Variants in ASXL3 observed in about 807,000 individuals in gnomAD.
ASXL3 encodes the protein putative Polycomb group protein ASXL3.
Under a neutral mutation model 170.6 loss-of-function variants are expected in ASXL3, and 34 were observed. The ratio of observed to expected loss-of-function variants is 0.20; its 90% CI spans 0.15 to 0.27. The LOEUF is 0.27. Ranked by LOEUF, ASXL3 falls within the 10% of genes least tolerant of loss-of-function variation. The pLI is 1.00. For synonymous variants in ASXL3, 1,002 were observed against 989.1 expected (o/e 1.01, Z -0.24); for missense variants, 2,592 against 2,695.3 (o/e 0.96, Z 0.85).
chr18:33,613,468 TG>T (rs1034150683), intron 2 of ASXL3, among the ~76,000 whole-genome samples: 4 of 152,068 alleles, frequency 2.6e-5, no homozygotes, highest in Admixed American at 2.6e-4. Context: ...ATTGCAGATT[TG>T]ATTCCAGACC....
intron 8 of ASXL3, among the ~76,000 whole-genome samples, chr18:33,707,839 T>G (rs1478120966): frequency 6.6e-6 from 1 of 152,092 alleles, no homozygotes; most frequent in Admixed American, 6.6e-5. Flanking sequence ...TAAGGAAATT[T>G]CCTTCCATTC....
At chr18:33,613,478 C>T (rs1014602915) in intron 2 of ASXL3, among the ~76,000 whole-genome samples, 1 of 152,018 alleles carries the variant, frequency 6.6e-6, no homozygotes, top group Non-Finnish European at 1.5e-5. Context: ...TGATTCCAGA[C>T]CATCCCAATA....
At chr18:33,697,324 A>G (rs2066788143) in intron 8 of ASXL3, among the ~76,000 whole-genome samples, 1 of 152,084 alleles carries the variant, frequency 6.6e-6, no homozygotes, top group African/African-American at 2.4e-5. Context: ...GTTGCATGAG[A>G]TTGTCATGAG....
chr18:33,605,631 C>T (rs142776183), intron 1 of ASXL3: 1 of 152,230 alleles, frequency 6.6e-6, no homozygotes, highest in Non-Finnish European at 1.5e-5. Flanking sequence ...GGCCTGTACT[C>T]AGGAAGAGAA....
chr18:33,739,801 CCAG>C lies in ASXL3; in HGVS notation c.2401_2403del (p.Gln801del), dbSNP rs1323228276. The C allele has an allele frequency of 2.5e-6, 4 of 1,613,852 alleles. No homozygotes were observed. The highest frequency in any genetic ancestry group is 3.4e-6 in the Non-Finnish European group (4 of 1,179,838). The stretch of plus-strand genomic sequence containing the variant: ...AACCTCTGGGAGAGAACCTTACCTC[CCAG>C]CAGAAGAATCTGTCTAATACTCCCG... On this transcript the variant is annotated inframe_deletion, in exon 11 of 12. Transcript: ENST00000269197.
At chr18:33,662,400 C>A (rs1285550456) in intron 5 of ASXL3, among the ~76,000 whole-genome samples, 1 of 152,118 alleles carries the variant, frequency 6.6e-6, no homozygotes, top group Non-Finnish European at 1.5e-5. Flanking sequence ...ATCTTAAATT[C>A]ATTATCTAGA....
rs750881457 is a variant in ASXL3 at position 33,745,770 on chromosome 18, G to A, written c.5922G>A (p.Glu1974=). 8 of 1,613,898 alleles carry A rather than the reference G, an allele frequency of 5.0e-6. No homozygotes were observed. In the East Asian group the frequency reaches 1.3e-4, roughly 27 times the overall value. The change falls in exon 12 of 12, where the codon GAG becomes GAA. Residue 1974 remains glutamate, a synonymous_variant. Coordinates refer to ENST00000269197, the MANE Select transcript of ASXL3 (RefSeq NM_030632.3). ...NRHLEQKGLG[E]VSLSSAPHQL... ...ATCTTGAACAGAAGGGATTGGGAGAGGTTAGTCTTTCCTCAGCACCTCACC... is the reference window on the plus strand; with the variant it reads ...ATCTTGAACAGAAGGGATTGGGAGAAGTTAGTCTTTCCTCAGCACCTCACC...
intron 2 of ASXL3, among the ~76,000 whole-genome samples, chr18:33,639,715 G>A (rs2065818525): frequency 6.6e-6 from 1 of 152,032 alleles, no homozygotes; most frequent in Non-Finnish European, 1.5e-5. Flanking sequence ...GTGGCTGTAC[G>A]AATCGCTATA....
chr18:33,724,620 G>A (rs2145379752), intron 8 of ASXL3, among the ~76,000 whole-genome samples: 1 of 152,162 alleles, frequency 6.6e-6, no homozygotes, highest in East Asian at 1.9e-4. Context: ...GTATAAAAGT[G>A]TGGGAAATAC....
In ASXL3 at chr18:33,746,211, TTTCTC is replaced by T. The variant is rs745805824; in HGVS notation, c.6367_6371del (p.Ser2123LeufsTer5). The T allele has an allele frequency of 6.2e-7, 1 of 1,613,918 alleles. No homozygotes were observed. Among genetic ancestry groups the T allele is most frequent in the Non-Finnish European group, 8.5e-7 (1 of 1,179,880 alleles). On this transcript the variant is annotated frameshift_variant, in exon 12 of 12. Transcript: ENST00000269197. LOFTEE classifies it high-confidence loss of function. ...AAGCATTCGCGCTAAAAAGTGCAGA[TTTCTC>T]TTCCTATTTGCTTTCTGAGCCACAA...
chr18:33,694,568 G>T (rs1435632169), intron 8 of ASXL3, among the ~76,000 whole-genome samples: 1 of 151,578 alleles, frequency 6.6e-6, no homozygotes, highest in Non-Finnish European at 1.5e-5. Flanking sequence ...ATATTTATAA[G>T]ACCATCCCCC....
rs1388814147 is a variant in ASXL3 at position 33,750,495 on chromosome 18, C to T, written c.*3900C>T. On this transcript the variant is annotated 3_prime_UTR_variant, in exon 12 of 12. Transcript: ENST00000269197. ...TGTACTGCTGTATTCCCCTCCTTCCCCTGCTTCATGGAAACCTGATATGAT... is the reference window on the plus strand; with the variant it reads ...TGTACTGCTGTATTCCCCTCCTTCCTCTGCTTCATGGAAACCTGATATGAT... 2 of 151,446 alleles carry T rather than the reference C, an allele frequency of 1.3e-5. No homozygotes were observed. Among genetic ancestry groups the T allele is most frequent in the African/African-American group, 4.9e-5 (2 of 41,140 alleles). The allele number at this position is 151,446 out of a possible 1,614,324, so 9.4% of individuals were successfully genotyped here.
chr18:33,746,496 G>A lies in ASXL3; in HGVS notation c.6648G>A (p.Arg2216=). The A allele has an allele frequency of 1.2e-6, 2 of 1,613,972 alleles. No individual in the cohort carries two copies. Among genetic ancestry groups the A allele is most frequent in the Non-Finnish European group, 1.7e-6 (2 of 1,179,870 alleles). The change falls in exon 12 of 12, where the codon CGG becomes CGA. Residue 2216 remains arginine (R), a synonymous_variant. Coordinates refer to ENST00000269197, the MANE Select transcript of ASXL3 (RefSeq NM_030632.3). ...ADELELKCSC[R]LKAMIVCKGC... ...AATTGGAACTGAAATGCTCTTGCCG[G>A]CTGAAAGCCATGATTGTGTGCAAAG... is the stretch of plus-strand genomic sequence containing the variant.
At chr18:33,599,655 T>C (rs1006606173) in intron 1 of ASXL3, among the ~76,000 whole-genome samples, 3 of 152,174 alleles carry the variant, frequency 2.0e-5, no homozygotes, top group Non-Finnish European at 4.4e-5. Context: ...ACAGTGTCCT[T>C]TTTTGCAGCA....
At chr18:33,718,361 G>A (rs1164685676) in intron 8 of ASXL3, among the ~76,000 whole-genome samples, 3 of 152,098 alleles carry the variant, frequency 2.0e-5, no homozygotes, top group Non-Finnish European at 2.9e-5. Context: ...GCACCCAAAT[G>A]AGTTGTTCTC....
chr18:33,716,424 T>G (rs1193449259), intron 8 of ASXL3, among the ~76,000 whole-genome samples: 1 of 152,208 alleles, frequency 6.6e-6, no homozygotes, highest in Non-Finnish European at 1.5e-5. Context: ...CCTTAGGAAC[T>G]TCTCATCAGT....
At chr18:33,682,180 G>A (rs2145282313) in intron 7 of ASXL3, among the ~76,000 whole-genome samples, 2 of 152,290 alleles carry the variant, frequency 1.3e-5, no homozygotes, top group Middle Eastern at 6.8e-3. Context: ...ACATCGTAGT[G>A]CAAAAGCAGA....
chr18:33,731,352 T>C lies in ASXL3; in HGVS notation c.880-616T>C, dbSNP rs377749139. On this transcript the variant is annotated intron_variant, in intron 8 of 11. Transcript: ENST00000269197. ...GGTTACAGTTTGCCAGGCCTTTTAG[T>C]ACCAGGTGAAAGCATCTTCACACCT... 4.6e-5 allele frequency among the ~76,000 whole-genome samples: 7 copies of C among 152,306 alleles called. No homozygotes were observed. The East Asian group carries it at 1.4e-3, about 29-fold the overall frequency.
At chr18:33,660,621 C>A (rs1181491887) in intron 4 of ASXL3, among the ~76,000 whole-genome samples, 1 of 152,146 alleles carries the variant, frequency 6.6e-6, no homozygotes, top group African/African-American at 2.4e-5. Context: ...AAGTTATTTT[C>A]TTCTGACTTC....
Sources: allele counts gnomAD v4.1 joint callset (sites outside exome capture counted in the v4.1 genomes callset), GRCh38; gene constraint gnomAD v4.1.1; transcripts MANE v1.5; gene names NCBI Gene and HGNC (gene_info 2026-07-23, HGNC 2026-07-21).